PRKCZ: variants seen among roughly 807,000 people sequenced by gnomAD.
PRKCZ encodes the protein protein kinase C zeta type.
Under a neutral mutation model 79.5 loss-of-function variants are expected in PRKCZ, and 33 were observed. The observed-to-expected ratio is 0.41, with a 90% CI of 0.31 to 0.55. The LOEUF (loss-of-function observed/expected upper bound fraction) is 0.55. Among genes scored for constraint, PRKCZ ranks in the 20% least tolerant of loss-of-function variants. The pLI, the probability that PRKCZ is intolerant of heterozygous loss-of-function variation, is 0.19. For synonymous variants in PRKCZ, 342 were observed against 320.9 expected, an observed-to-expected ratio of 1.07 and a Z score of -0.70; for missense variants, 578 against 813.5, an observed-to-expected ratio of 0.71 and a Z score of 3.52.
In PRKCZ at chr1:2,178,000, G is replaced by A. The variant is rs1047200726; in HGVS notation, c.1575+2687G>A. Among the ~76,000 whole-genome samples, 2 of 152,230 alleles carry A rather than the reference G, an allele frequency of 1.3e-5. No homozygotes were observed. Among genetic ancestry groups the A allele is most frequent in the Non-Finnish European group, 2.9e-5 (2 of 68,048 alleles). ...GAGGCTTTTAGGAAGAAGTGTGGCT[G>A]TTTTGGCCAGATTGCTTTAGCTGTC... On this transcript the variant is annotated intron_variant, in intron 16 of 17. Transcript: ENST00000378567. The surrounding 1 kb of genome is among the most constrained non-coding windows in gnomAD (Gnocchi z 6.4).
At position 2,185,325 on chromosome 1, in the gene PRKCZ, G is replaced by T; in HGVS notation, c.*316G>T. On this transcript the variant is annotated 3_prime_UTR_variant, in exon 18 of 18. Coordinates refer to ENST00000378567, the MANE Select transcript of PRKCZ (RefSeq NM_002744.6). Reference sequence around the variant, plus strand: ...ATTTTCCACGGAAACAGAACTCGATGCACTGACCTGCTCCGCCAGGAAAGT... The same window carrying T: ...ATTTTCCACGGAAACAGAACTCGATTCACTGACCTGCTCCGCCAGGAAAGT... 1.4e-6 allele frequency: 1 copy of T among 718,652 alleles called. No individual in the cohort carries two copies. The highest frequency in any genetic ancestry group is 1.5e-5 in the South Asian group (1 of 67,608). 44.5% of individuals were successfully genotyped at this position (718,652 alleles called of 1,614,324 possible). A position where few individuals can be genotyped will look rare whatever the true frequency, so the allele number is the denominator to read the frequency against.
At chr1:2,140,357 A>G (rs559588230) in intron 5 of PRKCZ, among the ~76,000 whole-genome samples, 3 of 152,324 alleles carry the variant, frequency 2.0e-5, no homozygotes, top group African/African-American at 7.2e-5. Flanking sequence ...GGGCGATTGA[A>G]AATATGAGCA....
rs1035266584 is a variant in PRKCZ at position 2,094,104 on chromosome 1, G to T, written c.334+34513G>T. On this transcript the variant is annotated intron_variant, in intron 4 of 17. Coordinates refer to ENST00000378567, the MANE Select transcript of PRKCZ (RefSeq NM_002744.6). The surrounding 1 kb of genome is among the most constrained non-coding windows in gnomAD (Gnocchi z 7.3). The stretch of plus-strand genomic sequence containing the variant: ...GCGCAGCCACATCCCTTGGGAGCCT[G>T]CTTGTCTCTAGAACCTTCTGCCTGA... 1.3e-5 allele frequency among the ~76,000 whole-genome samples: 2 copies of T among 152,166 alleles called. No homozygotes were observed. The highest frequency in any genetic ancestry group is 4.8e-5 in the African/African-American group (2 of 41,406).
At chr1:2,048,816 G>T (rs1284574622), upstream of PRKCZ, among the ~76,000 whole-genome samples, 1 of 152,142 alleles carries the variant, frequency 6.6e-6, no homozygotes, top group Non-Finnish European at 1.5e-5. Context: ...CTGGAACCCG[G>T]GGCCAGGGAT....
intron 10 of PRKCZ, chr1:2,169,149 C>T (rs557746096): frequency 8.7e-6 from 4 of 459,636 alleles, no homozygotes; most frequent in Non-Finnish European, 1.3e-5. Context: ...CTGCCTCGCT[C>T]CAGCCCCCAG....
intron 4 of PRKCZ, among the ~76,000 whole-genome samples, chr1:2,132,652 C>T (rs1199377948): frequency 6.6e-6 from 1 of 152,220 alleles, no homozygotes; most frequent in Non-Finnish European, 1.5e-5. Flanking sequence ...ACTGCTTTTT[C>T]CTCATGGATT....
At chr1:2,158,822 C>T (rs541200324) in intron 10 of PRKCZ, among the ~76,000 whole-genome samples, 2 of 152,300 alleles carry the variant, frequency 1.3e-5, no homozygotes, top group African/African-American at 4.8e-5. Context: ...AAAGAATTGT[C>T]GTCTGTGGGG....
intron 4 of PRKCZ, among the ~76,000 whole-genome samples, chr1:2,102,322 T>TG (rs34905415): frequency 0.12 from 18,335 of 151,526 alleles, 1,555 homozygotes; most frequent in African/African-American, 0.23. Flanking sequence ...GCGTTTTTTT[T>TG]TTTGTTTGTT....
At chr1:2,090,432 C>A (rs1571293510) in intron 4 of PRKCZ, among the ~76,000 whole-genome samples, 3 of 152,198 alleles carry the variant, frequency 2.0e-5, no homozygotes, top group African/African-American at 7.2e-5. Context: ...CTGCCAGGGC[C>A]CGTGCCCTGT....
intron 16 of PRKCZ, among the ~76,000 whole-genome samples, chr1:2,183,251 C>G (rs1194259331): frequency 6.6e-6 from 1 of 151,444 alleles, no homozygotes; most frequent in Non-Finnish European, 1.5e-5. Context: ...ACAAAATTAG[C>G]TGGGCATGGT....
rs947409767 is a variant in PRKCZ at position 2,177,883 on chromosome 1, C to T, written c.1575+2570C>T. On this transcript the variant is annotated intron_variant, in intron 16 of 17. Coordinates refer to ENST00000378567, the MANE Select transcript of PRKCZ (RefSeq NM_002744.6). The surrounding 1 kb of genome is among the most constrained non-coding windows in gnomAD (Gnocchi z 6.4). ...CCTGCGAAGGGCTTGCCACCGACTG[C>T]CAGCCCTGCCTCTGCCACCGACCGC... 1.3e-5 allele frequency among the ~76,000 whole-genome samples: 2 copies of T among 152,122 alleles called. No homozygotes were observed. Among genetic ancestry groups the T allele is most frequent in the African/African-American group, 4.8e-5 (2 of 41,418 alleles).
intron 4 of PRKCZ, among the ~76,000 whole-genome samples, chr1:2,093,576 G>A (rs1665897276): frequency 1.3e-5 from 2 of 152,166 alleles, no homozygotes; most frequent in South Asian, 4.1e-4. Flanking sequence ...CCTGGTGACA[G>A]TCACTGCTCG....
intron 4 of PRKCZ, among the ~76,000 whole-genome samples, chr1:2,091,957 G>A (rs111854428): frequency 0.018 from 2,702 of 152,286 alleles, 91 homozygotes; most frequent in African/African-American, 0.062. Flanking sequence ...AATTATTTAA[G>A]GAGAAGACTC....
intron 4 of PRKCZ, among the ~76,000 whole-genome samples, chr1:2,108,851 G>A (rs994006923): frequency 1.3e-5 from 2 of 152,212 alleles, no homozygotes; most frequent in Admixed American, 1.3e-4. Flanking sequence ...TGGAGGGTGC[G>A]AGTGCAGATG....
At chr1:2,153,743 A>G (rs1373226700) in intron 9 of PRKCZ, among the ~76,000 whole-genome samples, 1 of 152,192 alleles carries the variant, frequency 6.6e-6, no homozygotes, top group Non-Finnish European at 1.5e-5. Context: ...AGACATTTGG[A>G]AGAGTCGCTG....
At chr1:2,144,381 G>A in intron 6 of PRKCZ, 40 bp downstream of exon 6, 2 of 1,546,452 alleles carry the variant, frequency 1.3e-6, no homozygotes, top group Non-Finnish European at 1.7e-6. Context: ...GGCACGGGCG[G>A]GGTCGGGGCG....
At chr1:2,052,335 C>T (rs1030277990) in intron 1 of PRKCZ, among the ~76,000 whole-genome samples, 71 of 152,208 alleles carry the variant, frequency 4.7e-4, no homozygotes, top group Non-Finnish European at 8.7e-4. Flanking sequence ...TAATTCCACC[C>T]GGTGACTCTG....
rs527958902 is a variant in PRKCZ at position 2,061,350 on chromosome 1, G to A, written c.334+1759G>A. On this transcript the variant is annotated intron_variant, in intron 4 of 17. Transcript: ENST00000378567. ...TCTCTGCCCGTGTGGACAACCTGCC[G>A]GCCTTGCGTAGGGAAGGGAGGCCCG... is the stretch of plus-strand genomic sequence containing the variant. Among the ~76,000 whole-genome samples the A allele has an allele frequency of 2.6e-5, 4 of 152,018 alleles. No individual in the cohort carries two copies. The South Asian group carries it at 8.3e-4, about 32-fold the overall frequency.
chr1:2,132,355 G>C (rs1364238782), intron 4 of PRKCZ, among the ~76,000 whole-genome samples: 1 of 152,234 alleles, frequency 6.6e-6, no homozygotes, highest in Non-Finnish European at 1.5e-5. Flanking sequence ...GAGCCCAGGA[G>C]CGAGCGTTTC....
Sources: gnomAD v4.1 joint callset for allele counts (sites outside exome capture counted in the v4.1 genomes callset) on GRCh38, gnomAD v4.1.1 for gene constraint, Gnocchi (gnomAD v3.1) non-coding constraint, MANE v1.5 for transcripts, NCBI Gene and HGNC (gene_info 2026-07-23, HGNC 2026-07-21) for gene names.